The following AKAP9 variants were observed in gnomAD, a reference collection of about 807,000 sequenced individuals.
AKAP9 encodes the protein A-kinase anchoring protein 9.
Under a neutral mutation model 488.5 loss-of-function variants are expected in AKAP9, and 311 were observed. The ratio of observed to expected loss-of-function variants is 0.64; its 90% CI spans 0.58 to 0.70. AKAP9 has a LOEUF of 0.70. Among genes scored for constraint, AKAP9 ranks in the 30% least tolerant of loss-of-function variants. AKAP9 has a pLI of 0.00. For synonymous variants in AKAP9, 1,462 were observed against 1,483.5 expected (o/e 0.99, Z 0.33); for missense variants, 4,215 against 4,374.5 (o/e 0.96, Z 1.03).
chr7:92,075,011 TA>T (rs1474353367), intron 28 of AKAP9, among the ~76,000 whole-genome samples: 2 of 151,944 alleles, frequency 1.3e-5, no homozygotes. Flanking sequence ...TATAATTTTT[TA>T]AAAAAGATTA....
chr7:92,089,476 A>G lies in AKAP9; in HGVS notation c.9305A>G (p.Asn3102Ser), dbSNP rs758609723. The change falls in exon 38 of 50, where the codon AAT becomes AGT. Residue 3102 changes from asparagine to serine, a missense_variant. Physicochemically the swap from Asn to Ser is conservative, Grantham distance 46. Transcript: ENST00000356239. Reference sequence around the variant, plus strand: ...ATTCAGGCACTGCATGCACAAATGAATGGTAGGAAAATTACTCTGAAAAGA... The same window carrying G: ...ATTCAGGCACTGCATGCACAAATGAGTGGTAGGAAAATTACTCTGAAAAGA... ...SEIQALHAQM[N>S]GRKITLKREQ... The G allele has an allele frequency of 8.1e-6, 13 of 1,613,454 alleles. No individual in the cohort carries two copies. The East Asian group carries it at 1.6e-4, about 19-fold the overall frequency.
intron 14 of AKAP9, among the ~76,000 whole-genome samples, chr7:92,028,598 T>TA (rs954178832): frequency 6.6e-6 from 1 of 152,148 alleles, no homozygotes; most frequent in African/African-American, 2.4e-5. Context: ...AGGAAAAACC[T>TA]AAACGGCCAA....
intron 3 of AKAP9, among the ~76,000 whole-genome samples, 162 bp downstream of exon 3, chr7:91,980,495 C>CTTTTTTTTTTTTTTATTTTTTTTTT (rs1796261097): frequency 2.1e-5 from 1 of 48,756 alleles, no homozygotes; most frequent in Non-Finnish European, 3.3e-5. Flanking sequence ...GTATTACTGA[C>CTTTTTTTTTTTTTTATTTTTTTTTT]TTTTTTTTTT....
chr7:92,070,258 C>G (rs1811477185), intron 27 of AKAP9, 52 bp downstream of exon 27: 1 of 1,554,318 alleles, frequency 6.4e-7, no homozygotes, highest in Non-Finnish European at 8.9e-7. Flanking sequence ...GAAGAATACT[C>G]TTAAATTGTC....
chr7:92,001,805 C>G lies in AKAP9; in HGVS notation c.1888C>G (p.Leu630Val). The stretch of plus-strand genomic sequence containing the variant: ...ATTAGAGAGGCTGAGAACACAGCTT[C>G]TATTTAGTCACGAAGAAGAGCTTTC... ...AELERLRTQL[L>V]FSHEEELSKL... The change falls in exon 8 of 50, where the codon CTA (leucine) becomes GTA (valine). Residue 630 changes from leucine (L) to valine (V), a missense_variant. Coordinates refer to ENST00000356239, the MANE Select transcript of AKAP9 (RefSeq NM_005751.5). 1 of 1,613,404 alleles carries G rather than the reference C, an allele frequency of 6.2e-7. No homozygotes were observed.
intron 24 of AKAP9, among the ~76,000 whole-genome samples, chr7:92,064,995 G>A (rs941608960): frequency 6.6e-6 from 1 of 151,432 alleles, no homozygotes; most frequent in Non-Finnish European, 1.5e-5. Flanking sequence ...TTCAGTGACA[G>A]GACATATTTT....
chr7:91,980,630 A>G (rs1796297060), intron 3 of AKAP9, among the ~76,000 whole-genome samples: 3 of 150,404 alleles, frequency 2.0e-5, no homozygotes, highest in Non-Finnish European at 4.4e-5. Flanking sequence ...CAAGGCATCC[A>G]TATTTAGCAC....
chr7:92,039,034 T>A (rs1805625789), intron 17 of AKAP9, among the ~76,000 whole-genome samples: 1 of 152,092 alleles, frequency 6.6e-6, no homozygotes, highest in Admixed American at 6.6e-5. Flanking sequence ...GCCTCCTGAG[T>A]AACTGGGACT....
chr7:92,006,872 G>T (rs1047516751), intron 8 of AKAP9, among the ~76,000 whole-genome samples: 4 of 152,170 alleles, frequency 2.6e-5, no homozygotes, highest in African/African-American at 4.8e-5. Flanking sequence ...AATTGAAGAT[G>T]ATTATTAGAA....
At chr7:92,035,436 A>C (rs1805032628) in intron 16 of AKAP9, among the ~76,000 whole-genome samples, 1 of 152,074 alleles carries the variant, frequency 6.6e-6, no homozygotes, top group African/African-American at 2.4e-5. Context: ...TAAATTTCAG[A>C]TTTCCCTCTG....
At chr7:91,963,156 C>T (rs190762406) in intron 1 of AKAP9, among the ~76,000 whole-genome samples, 8 of 152,086 alleles carry the variant, frequency 5.3e-5, no homozygotes, top group African/African-American at 1.9e-4. Context: ...TAGCAGTATT[C>T]CAGTTGGTTT....
chr7:91,965,747 C>A (rs984438011), intron 1 of AKAP9, among the ~76,000 whole-genome samples: 1 of 152,264 alleles, frequency 6.6e-6, no homozygotes, highest in African/African-American at 2.4e-5. Flanking sequence ...GATAATATAT[C>A]GTGGTGGTTT....
chr7:91,973,822 G>T lies in AKAP9; in HGVS notation c.160G>T (p.Asp54Tyr), dbSNP rs1305729667. ...SSKHDVSAHH[D>Y]LNIDQSQCNE... ...TAAACATGATGTGTCAGCACACCAT[G>T]ATTTGAATATTGATCAATCACAGTG... Residue 54 changes from aspartate (D) to tyrosine (Y), a missense_variant, in exon 2 of 50, where the codon GAT becomes TAT. Physicochemically the swap from Asp to Tyr is radical, Grantham distance 160 (BLOSUM62 -3). Transcript: ENST00000356239. 3.1e-6 allele frequency: 5 copies of T among 1,614,076 alleles called. No homozygotes were observed. The South Asian group carries it at 5.5e-5, about 18-fold the overall frequency.
chr7:92,045,328 C>A, intron 21 of AKAP9, 115 bp downstream of exon 21: 2 of 987,866 alleles, frequency 2.0e-6, no homozygotes, highest in Non-Finnish European at 3.1e-6. Flanking sequence ...AGCAAATGGA[C>A]CTTCAAACAG....
chr7:92,086,081 C>T (rs1425928362), intron 36 of AKAP9, 147 bp from the exon 37 acceptor site: 1 of 711,268 alleles, frequency 1.4e-6, no homozygotes, highest in East Asian at 2.7e-5. Context: ...CAGAGTGAGA[C>T]TGTCTCAAAA....
At position 92,083,557 on chromosome 7, in the gene AKAP9, A is replaced by G. The variant is rs1477678524; in HGVS notation, c.8548A>G (p.Thr2850Ala). 1 of 1,600,768 alleles carries G rather than the reference A, an allele frequency of 6.2e-7. No individual in the cohort carries two copies. The highest frequency in any genetic ancestry group is 8.5e-7 in the Non-Finnish European group (1 of 1,174,486). ...LDMESRHISE[T>A]ETLKREHYVA... ...CATGGAATCCAGACATATTTCAGAAACTGAAACCTTAAAGAGGGAACACTA... is the reference window on the plus strand; with the variant it reads ...CATGGAATCCAGACATATTTCAGAAGCTGAAACCTTAAAGAGGGAACACTA... Residue 2850 changes from threonine to alanine, a missense_variant, in exon 33 of 50, where the codon ACT becomes GCT. By Grantham distance (58) the Thr-to-Ala change is moderately conservative (BLOSUM62 0). This residue lies in a region of AKAP9 where 1,476 missense variants were observed against 1,477.4 expected (regional missense o/e 1.00). Coordinates refer to ENST00000356239, the MANE Select transcript of AKAP9 (RefSeq NM_005751.5).
In AKAP9 at chr7:92,084,909, G is replaced by A. The variant is rs1814252156; in HGVS notation, c.8801G>A (p.Ser2934Asn). Residue 2934 changes from serine (S) to asparagine (N), a missense_variant, in exon 35 of 50, where the codon AGT (serine) becomes AAT (asparagine). By Grantham distance (46) the Ser-to-Asn change is conservative. Coordinates refer to ENST00000356239, the MANE Select transcript of AKAP9 (RefSeq NM_005751.5). ...GAAGGCCGAGGAGAAGAAAGTGAAA[G>A]TGCAACAGATTCCTTTCCAAAGAAA... ...ASEGRGEESE[S>N]ATDSFPKKIK... 1 of 1,613,400 alleles carries A rather than the reference G, an allele frequency of 6.2e-7. No homozygotes were observed. The highest frequency in any genetic ancestry group is 8.5e-7 in the Non-Finnish European group (1 of 1,179,614).
intron 7 of AKAP9, among the ~76,000 whole-genome samples, chr7:91,999,892 TA>T (rs1396010526): frequency 6.6e-6 from 1 of 152,112 alleles, no homozygotes; most frequent in Non-Finnish European, 1.5e-5. Flanking sequence ...AAGGCACCTT[TA>T]AGTCCTGTTT....
rs1798052648 is a variant in AKAP9, at chr7:91,993,665, AC to A, written c.576+613del. ...TTTGTCTTTATACATTGCATAAACA[AC>A]CCTGTTTAAAAGTAGGATTTCATTA... On this transcript the variant is annotated intron_variant, in intron 5 of 49. Coordinates refer to ENST00000356239, the MANE Select transcript of AKAP9 (RefSeq NM_005751.5). Among the ~76,000 whole-genome samples, 3 of 152,200 alleles carry A rather than the reference AC, an allele frequency of 2.0e-5. No homozygotes were observed. The South Asian group carries it at 6.2e-4, about 31-fold the overall frequency.
Sources: gnomAD v4.1 joint callset for allele counts (sites outside exome capture counted in the v4.1 genomes callset) on GRCh38, gnomAD v4.1.1 for gene constraint, gnomAD v4.1.1 regional missense constraint, MANE v1.5 for transcripts, NCBI Gene and HGNC (gene_info 2026-07-23, HGNC 2026-07-21) for gene names.